CCDC146: variants seen among roughly 807,000 people sequenced by gnomAD.
The protein encoded by CCDC146 is coiled-coil domain-containing protein 146.
Under a neutral mutation model 119.3 loss-of-function variants are expected in CCDC146, and 92 were observed. The ratio of observed to expected loss-of-function variants is 0.77; its 90% confidence interval spans 0.65 to 0.92. The LOEUF is 0.92. Ranked by LOEUF, CCDC146 falls within the 40% of genes least tolerant of loss-of-function variation. CCDC146 has a pLI of 0.00. For synonymous variants in CCDC146, 372 were observed against 371.8 expected (o/e 1.00, Z -0.01); for missense variants, 1,000 against 1,103.0 (o/e 0.91, Z 1.32).
intron 2 of CCDC146, among the ~76,000 whole-genome samples, chr7:77,229,887 G>A (rs528734464): frequency 6.6e-6 from 1 of 151,502 alleles, no homozygotes; most frequent in Admixed American, 6.5e-5. Flanking sequence ...TATAATCATG[G>A]CATAATTGTA....
chr7:77,274,400 A>G, intron 10 of CCDC146, 82 bp from the exon 11 acceptor site: 1 of 937,994 alleles, frequency 1.1e-6, no homozygotes, highest in Non-Finnish European at 1.6e-6. Context: ...TATAGGAAGT[A>G]AAAAGGTAGT....
intron 1 of CCDC146, among the ~76,000 whole-genome samples, 154 bp from the exon 2 acceptor site, chr7:77,167,502 CTT>C (rs1457350708): frequency 6.6e-6 from 1 of 151,960 alleles, no homozygotes. Context: ...AAAAAACAGT[CTT>C]TTATAATGAG....
chr7:77,247,897 A>C (rs1792984454), intron 4 of CCDC146, among the ~76,000 whole-genome samples: 1 of 152,196 alleles, frequency 6.6e-6, no homozygotes, highest in Non-Finnish European at 1.5e-5. Flanking sequence ...AAGAACTAAA[A>C]ATAGAACTAC....
At position 77,287,436 on chromosome 7, in the gene CCDC146, A is replaced by C. The variant is rs933312392; in HGVS notation, c.2278-4A>C. 2.5e-6 allele frequency: 4 copies of C among 1,613,440 alleles called. No individual in the cohort carries two copies. The highest frequency in any genetic ancestry group is 3.4e-6 in the Non-Finnish European group (4 of 1,179,786). ...ATTCCTCTTGAACCAATTTTCAAAC[A>C]TAGCTGGAACTACAACTGGCCAAGA... On this transcript the variant is annotated splice_region_variant and splice_polypyrimidine_tract_variant and intron_variant, in intron 16 of 18. Coordinates refer to ENST00000285871, the MANE Select transcript of CCDC146 (RefSeq NM_020879.3).
At chr7:77,258,890 G>A (rs1474046161) in intron 6 of CCDC146, 105 bp from the exon 7 acceptor site, 6 of 722,156 alleles carry the variant, frequency 8.3e-6, no homozygotes, top group Non-Finnish European at 1.5e-5. Flanking sequence ...CAGATGGTAA[G>A]TATCTACATA....
intron 17 of CCDC146, among the ~76,000 whole-genome samples, chr7:77,287,930 A>G (rs1014705880): frequency 1.3e-5 from 2 of 152,194 alleles, no homozygotes; most frequent in African/African-American, 2.4e-5. Context: ...CAGTGATCTT[A>G]GTAGGGACTG....
At chr7:77,221,518 C>T (rs1792402544) in intron 2 of CCDC146, among the ~76,000 whole-genome samples, 1 of 152,168 alleles carries the variant, frequency 6.6e-6, no homozygotes, top group African/African-American at 2.4e-5. Flanking sequence ...GGAAAGGGAA[C>T]ACCACACATT....
chr7:77,155,476 G>A (rs1791166678), intron 1 of CCDC146, among the ~76,000 whole-genome samples: 1 of 151,780 alleles, frequency 6.6e-6, no homozygotes, highest in Non-Finnish European at 1.5e-5. Flanking sequence ...AGACCAAGAG[G>A]AAAGGGCTTT....
intron 2 of CCDC146, among the ~76,000 whole-genome samples, chr7:77,172,473 TATATC>T (rs1444624660): frequency 6.6e-6 from 1 of 152,222 alleles, no homozygotes; most frequent in African/African-American, 2.4e-5. Context: ...AGAAACTGCT[TATATC>T]ATTCATTGTT....
chr7:77,155,346 CT>C (rs1198363687), intron 1 of CCDC146, among the ~76,000 whole-genome samples: 2 of 152,026 alleles, frequency 1.3e-5, no homozygotes, highest in African/African-American at 4.8e-5. Flanking sequence ...TTGTCTCTAA[CT>C]GATTTACACT....
Position 77,223,684 on chromosome 7 carries a change from A to C in CCDC146, c.157-13263A>C, listed in dbSNP as rs532411006. Among the ~76,000 whole-genome samples, 28 of 152,346 alleles carry C rather than the reference A, an allele frequency of 1.8e-4. No homozygotes were observed. In the South Asian group the frequency reaches 5.2e-3, roughly 28 times the overall value. The stretch of plus-strand genomic sequence containing the variant: ...CAGTGGAAGTGAGTGAATAAACATG[A>C]ATTCTTTTAACTGCATCATTGGTTT... On this transcript the variant is annotated intron_variant, in intron 2 of 18. Transcript: ENST00000285871.
intron 14 of CCDC146, among the ~76,000 whole-genome samples, chr7:77,282,079 A>G (rs1460472858): frequency 6.6e-6 from 1 of 152,200 alleles, no homozygotes; most frequent in African/African-American, 2.4e-5. Flanking sequence ...GGGAAATCAC[A>G]ACCAGAAATA....
intron 2 of CCDC146, among the ~76,000 whole-genome samples, chr7:77,232,350 G>A (rs1399676890): frequency 6.6e-6 from 1 of 151,982 alleles, no homozygotes; most frequent in African/African-American, 2.4e-5. Flanking sequence ...TCACAGCCGT[G>A]GGCTTTTCCA....
At chr7:77,134,541 C>CTG (rs67724407) in intron 1 of CCDC146, among the ~76,000 whole-genome samples, 17,354 of 143,930 alleles carry the variant, frequency 0.12, 1,154 homozygotes, top group Middle Eastern at 0.2. Context: ...TAAGGCCACT[C>CTG]TGTGTGTGTG....
intron 2 of CCDC146, among the ~76,000 whole-genome samples, chr7:77,223,689 T>G (rs1463996200): frequency 6.6e-6 from 1 of 152,270 alleles, no homozygotes; most frequent in Non-Finnish European, 1.5e-5. Flanking sequence ...ACATGAATTC[T>G]TTTAACTGCA....
At chr7:77,164,872 A>G (rs1388409561) in intron 1 of CCDC146, among the ~76,000 whole-genome samples, 3 of 152,214 alleles carry the variant, frequency 2.0e-5, no homozygotes, top group Admixed American at 6.5e-5. Flanking sequence ...AGTGTCATCA[A>G]GGAACAGCCA....
intron 1 of CCDC146, among the ~76,000 whole-genome samples, chr7:77,123,384 G>A (rs1790651322): frequency 6.9e-6 from 1 of 145,094 alleles, no homozygotes; most frequent in Non-Finnish European, 1.5e-5. Context: ...AAGAAAGATG[G>A]TTCTAAATGA....
intron 4 of CCDC146, among the ~76,000 whole-genome samples, chr7:77,251,661 G>A: frequency 6.6e-6 from 1 of 152,138 alleles, no homozygotes; most frequent in East Asian, 1.9e-4. Context: ...CAGTAGCAGA[G>A]GTCATATGTA....
Position 77,256,462 on chromosome 7 carries a change from G to C in CCDC146, c.637G>C (p.Glu213Gln), listed in dbSNP as rs1486009870. The C allele has an allele frequency of 6.2e-7, 1 of 1,607,192 alleles. No homozygotes were observed. The highest frequency in any genetic ancestry group is 1.7e-5 in the Admixed American group (1 of 58,040). Reference sequence around the variant, plus strand: ...ATCTAAACAAAAGCAATTATTAAAAGAGCAGAAGGAACTAGAAGAATTGTT... The same window carrying C: ...ATCTAAACAAAAGCAATTATTAAAACAGCAGAAGGAACTAGAAGAATTGTT... ...LASKQKQLLK[E>Q]QKELEELLGH... Residue 213 changes from glutamate to glutamine, a missense_variant, in exon 6 of 19, where the codon GAG (glutamate) becomes CAG (glutamine). Glu to Gln is a conservative substitution (Grantham distance 29). This residue lies in a region of CCDC146 where 985 missense variants were observed against 1,045.3 expected (regional missense o/e 0.94). Coordinates refer to ENST00000285871, the MANE Select transcript of CCDC146 (RefSeq NM_020879.3).
Sources: allele counts gnomAD v4.1 joint callset (sites outside exome capture counted in the v4.1 genomes callset), GRCh38; gene constraint gnomAD v4.1.1; regional missense constraint gnomAD v4.1.1; transcripts MANE v1.5; gene names NCBI Gene and HGNC (gene_info 2026-07-23, HGNC 2026-07-21).